PPIL4: variants seen among roughly 807,000 people sequenced by gnomAD.
The protein encoded by PPIL4 is peptidyl-prolyl cis-trans isomerase-like 4.
PPIL4 carries 50 observed loss-of-function variants against 69.1 expected under a neutral mutation model. The observed-to-expected ratio is 0.72, with a 90% CI of 0.58 to 0.92. The LOEUF is 0.92. Ranked by LOEUF, PPIL4 falls within the 40% of genes least tolerant of loss-of-function variation. The probability of loss-of-function intolerance (pLI) is 0.00; values close to 1 mark genes in which losing one functional copy is unlikely to be tolerated. For synonymous variants in PPIL4, 193 were observed against 191.6 expected, an observed-to-expected ratio of 1.01 and a Z score of -0.06; for missense variants, 480 against 587.9, an observed-to-expected ratio of 0.82 and a Z score of 1.90.
In PPIL4 at chr6:149,512,168, T is replaced by C. The variant is rs758767193; in HGVS notation, c.1214A>G (p.Lys405Arg). The C allele has an allele frequency of 5.6e-6, 9 of 1,606,970 alleles. No homozygotes were observed. Among genetic ancestry groups the C allele is most frequent in the African/African-American group, 1.3e-5 (1 of 74,386 alleles). The part of the protein sequence containing the change: ...EKEDEDYMPI[K>R]NTNQDIYREM... ...CATTAGAGGTACCTGATTAGTATTT[T>C]TGATTGGCATGTAGTCCTCATCTTC... is the stretch of plus-strand genomic sequence containing the variant. Residue 405 changes from lysine (K) to arginine (R), a missense_variant, in exon 12 of 13, where the codon AAA becomes AGA. Coordinates refer to ENST00000253329, the MANE Select transcript of PPIL4 (RefSeq NM_139126.4).
In PPIL4 at chr6:149,515,155, T is replaced by TA. The variant is rs1554216144; in HGVS notation, c.1079+2198dup. ...ACCCAGCCAATTTTTTTTTTTTTTT[T>TA]AAGAAAAAAAAAATGGAGACCGGGT... On this transcript the variant is annotated intron_variant, in intron 11 of 12. Transcript: ENST00000253329. Among the ~76,000 whole-genome samples the TA allele has an allele frequency of 7.6e-3, 1,114 of 145,938 alleles. 19 individuals are homozygous for TA. The highest frequency in any genetic ancestry group is 0.027 in the African/African-American group (1,068 of 39,372).
chr6:149,545,825 G>A (rs1393718897), intron 1 of PPIL4, 111 bp downstream of exon 1: 1 of 1,017,986 alleles, frequency 9.8e-7, no homozygotes, highest in South Asian at 1.5e-5. Context: ...GGCACCAGCA[G>A]CCCAGAAGCT....
chr6:149,524,024 CA>C (rs751679747), intron 9 of PPIL4, among the ~76,000 whole-genome samples: 3 of 152,146 alleles, frequency 2.0e-5, no homozygotes, highest in Non-Finnish European at 4.4e-5. Context: ...TGTCTGAAAA[CA>C]TAAAAGGTAT....
intron 5 of PPIL4, 24 bp from the exon 6 acceptor site, chr6:149,534,798 A>C: frequency 8.0e-7 from 1 of 1,244,502 alleles, no homozygotes; most frequent in Non-Finnish European, 1.1e-6. Flanking sequence ...TCCAAATCAA[A>C]TGTTATACAT....
chr6:149,505,522 C>G lies in PPIL4; in HGVS notation c.1410G>C (p.Arg470Ser), dbSNP rs781163348. 6 of 1,613,830 alleles carry G rather than the reference C, an allele frequency of 3.7e-6. No individual in the cohort carries two copies. In the South Asian group the frequency reaches 5.5e-5, roughly 15 times the overall value. ...KYQTDLYERE[R>S]SKKRDRSRSP... The stretch of plus-strand genomic sequence containing the variant: ...TTCTGCTTCGGTCTCTCTTTTTACT[C>G]CTTTCTCTTTCATAAAGATCTGTTT... Residue 470 changes from arginine to serine, a missense_variant, in exon 13 of 13, where the codon AGG becomes AGC. Physicochemically the swap from Arg to Ser is moderately radical, Grantham distance 110 (BLOSUM62 -1). Transcript: ENST00000253329.
Position 149,521,156 on chromosome 6 carries a change from T to C in PPIL4, c.886A>G (p.Lys296Glu). Residue 296 changes from lysine to glutamate, a missense_variant, in exon 10 of 13, where the codon AAA becomes GAA. By Grantham distance (56) the Lys-to-Glu change is moderately conservative. Transcript: ENST00000253329. ...IEFEKEEDCE[K>E]AFFKMDNVLI... ...ACATTGTCCATTTTGAAGAATGCTT[T>C]CTCACAATCTTCTTCCTGATAATAA... 6.4e-7 allele frequency: 1 copy of C among 1,561,512 alleles called. No homozygotes were observed. Among genetic ancestry groups the C allele is most frequent in the East Asian group, 2.2e-5 (1 of 44,618 alleles).
intron 4 of PPIL4, among the ~76,000 whole-genome samples, chr6:149,537,062 GTTGCAGTGAGC>G (rs1777288881): frequency 6.6e-6 from 1 of 151,304 alleles, no homozygotes; most frequent in South Asian, 2.1e-4. Flanking sequence ...GGAGGCGAAG[GTTGCAGTGAGC>G]TGAGATCATG....
At chr6:149,527,920 C>T (rs962450296) in intron 7 of PPIL4, among the ~76,000 whole-genome samples, 1 of 152,164 alleles carries the variant, frequency 6.6e-6, no homozygotes, top group African/African-American at 2.4e-5. Context: ...AAGATCTCCT[C>T]AGTGTTTCTG....
chr6:149,535,464 T>G (rs1777262128), intron 5 of PPIL4, 132 bp downstream of exon 5: 2 of 499,014 alleles, frequency 4.0e-6, no homozygotes, highest in South Asian at 5.6e-5. Flanking sequence ...AGTCTTATAT[T>G]AATTCACCTT....
At chr6:149,537,122 T>C (rs1777289899) in intron 4 of PPIL4, among the ~76,000 whole-genome samples, 1 of 144,910 alleles carries the variant, frequency 6.9e-6, no homozygotes, top group African/African-American at 2.6e-5. Context: ...TGAGAATCTG[T>C]CTCAAAAAAA....
chr6:149,516,926 C>T (rs1255638085), intron 11 of PPIL4: 1 of 152,762 alleles, frequency 6.5e-6, no homozygotes, highest in Non-Finnish European at 1.5e-5. Context: ...GAATAGAAAA[C>T]ATTACAATTA....
At chr6:149,527,595 G>T (rs1391958726) in intron 7 of PPIL4, among the ~76,000 whole-genome samples, 1 of 152,108 alleles carries the variant, frequency 6.6e-6, no homozygotes, top group East Asian at 1.9e-4. Flanking sequence ...CCACTATGAT[G>T]CTACCATCTA....
chr6:149,533,371 T>C lies in PPIL4; in HGVS notation c.678+87A>G, dbSNP rs1025172555. ...AATCATAACTCAATTTTTAACATTT[T>C]AAGACTACTGAAGAGCCAGAAATAA... is the stretch of plus-strand genomic sequence containing the variant. On this transcript the variant is annotated intron_variant, in intron 7 of 12. Coordinates refer to ENST00000253329, the MANE Select transcript of PPIL4 (RefSeq NM_139126.4). 10 of 735,370 alleles carry C rather than the reference T, an allele frequency of 1.4e-5. No homozygotes were observed. In the African/African-American group the frequency reaches 1.8e-4, roughly 13 times the overall value. 45.6% of individuals were successfully genotyped at this position (735,370 alleles called of 1,614,324 possible).
At position 149,533,568 on chromosome 6, in the gene PPIL4, G is replaced by C; in HGVS notation, c.568C>G (p.Arg190Gly). The C allele has an allele frequency of 1.3e-6, 2 of 1,588,312 alleles. No homozygotes were observed. The highest frequency in any genetic ancestry group is 1.3e-5 in the African/African-American group (1 of 74,222). ...TCAATTTCTTCATCTGCTCCTATTCGACCACTCTGTTAAGACAGAAGTTAC... is the reference window on the plus strand; with the variant it reads ...TCAATTTCTTCATCTGCTCCTATTCCACCACTCTGTTAAGACAGAAGTTAC... ...EPTREQLDSG[R>G]IGADEEIDDF... is the part of the protein sequence containing the mutation. The change falls in exon 7 of 13, where the codon CGA becomes GGA. Residue 190 changes from arginine to glycine, a missense_variant. By Grantham distance (125) the Arg-to-Gly change is moderately radical. Coordinates refer to ENST00000253329, the MANE Select transcript of PPIL4 (RefSeq NM_139126.4).
At chr6:149,523,223 T>C (rs529070544) in intron 9 of PPIL4, among the ~76,000 whole-genome samples, 4 of 152,102 alleles carry the variant, frequency 2.6e-5, no homozygotes, top group African/African-American at 7.2e-5. Flanking sequence ...GGAGCTAAAA[T>C]TGGAGAATCA....
intron 12 of PPIL4, among the ~76,000 whole-genome samples, chr6:149,507,848 C>CT (rs1229759663): frequency 1.3e-5 from 2 of 152,112 alleles, no homozygotes; most frequent in African/African-American, 4.8e-5. Flanking sequence ...AACAAGTACT[C>CT]TTAAGGTTAG....
chr6:149,514,579 C>T (rs1057154950), intron 11 of PPIL4, among the ~76,000 whole-genome samples: 31 of 152,120 alleles, frequency 2.0e-4, no homozygotes, highest in Non-Finnish European at 3.7e-4. Context: ...GCCTCAGTCT[C>T]CCAAAGTGCT....
In PPIL4 at chr6:149,545,984, T is replaced by G. The variant is rs1434963410; in HGVS notation, c.22A>C (p.Thr8Pro). MAVLLET[T>P]LGDVVIDLYT... Reference sequence around the variant, plus strand: ...AAGTCGATGACGACGTCGCCTAAAGTGGTCTCCAGTAGAACCGCCATGGCG... The same window carrying G: ...AAGTCGATGACGACGTCGCCTAAAGGGGTCTCCAGTAGAACCGCCATGGCG... The change falls in exon 1 of 13, where the codon ACT (threonine) becomes CCT (proline). Residue 8 changes from threonine (T) to proline (P), a missense_variant. Thr to Pro is a conservative substitution (Grantham distance 38). Coordinates refer to ENST00000253329, the MANE Select transcript of PPIL4 (RefSeq NM_139126.4). 1 of 1,585,782 alleles carries G rather than the reference T, an allele frequency of 6.3e-7. No individual in the cohort carries two copies. The highest frequency in any genetic ancestry group is 1.7e-5 in the Admixed American group (1 of 57,808).
At chr6:149,512,048 C>T (rs1240051720) in intron 12 of PPIL4, 107 bp downstream of exon 12, 3 of 858,422 alleles carry the variant, frequency 3.5e-6, no homozygotes, top group African/African-American at 1.7e-5. Flanking sequence ...ACAAACCCAT[C>T]TCTGCTTAGA....
Sources: allele counts gnomAD v4.1 joint callset (sites outside exome capture counted in the v4.1 genomes callset), GRCh38; gene constraint gnomAD v4.1.1; transcripts MANE v1.5; gene names NCBI Gene and HGNC (gene_info 2026-07-23, HGNC 2026-07-21).